The following GTPBP6 variants were observed in gnomAD, a reference collection of about 807,000 sequenced individuals.
GTPBP6 encodes putative GTP-binding protein 6.
A neutral mutation model predicts 28.9 loss-of-function variants in GTPBP6; 33 were observed. The observed-to-expected ratio is 1.14, with a 90% CI of 0.87 to 1.53. The LOEUF is 1.53. GTPBP6 is among the 40% of genes most tolerant of loss of function. The pLI is 0.00. For synonymous variants in GTPBP6, 231 were observed against 192.7 expected (o/e 1.20, Z -1.65); for missense variants, 507 against 408.3 (o/e 1.24, Z -2.08).
At chrX:311,355 G>C (rs1399085101) in intron 7 of GTPBP6, 64 bp downstream of exon 7, 8 of 1,233,188 alleles carry the variant, frequency 6.5e-6, no homozygotes, top group Non-Finnish European at 4.6e-6. Flanking sequence ...GTGTGTGTCT[G>C]AGTGCCCAGC....
chrX:318,198 C>A (rs1306115625), intron 1 of GTPBP6, among the ~76,000 whole-genome samples: 1 of 150,554 alleles, frequency 6.6e-6, no homozygotes, highest in African/African-American at 2.5e-5. Flanking sequence ...GCATCGCCAG[C>A]TATGATTCTC....
rs28630611 is a variant in GTPBP6, at chrX:307,652, G to A, written c.1274+80C>T. ...TGACTGCCACCGCTGCGGTTCACACGAGGAGACGGGGCATCTCCCCACCCG... is the reference window on the plus strand; with the variant it reads ...TGACTGCCACCGCTGCGGTTCACACAAGGAGACGGGGCATCTCCCCACCCG... On this transcript the variant is annotated intron_variant, in intron 8 of 9. Coordinates refer to ENST00000326153, the Ensembl canonical transcript of GTPBP6. 0.017 allele frequency: 23,606 copies of A among 1,426,564 alleles called. 1,486 individuals are homozygous for A. In the African/African-American group the frequency reaches 0.19, roughly 11 times the overall value. 88.4% of individuals were successfully genotyped at this position (1,426,564 alleles called of 1,614,324 possible).
intron 7 of GTPBP6, among the ~76,000 whole-genome samples, chrX:310,150 C>T (rs78423314): frequency 0.095 from 7,849 of 82,568 alleles, 1 homozygote; most frequent in South Asian, 0.24. Flanking sequence ...TCATCTGGAA[C>T]CTGTGAATGG....
intron 4 of GTPBP6, among the ~76,000 whole-genome samples, chrX:314,627 C>T (rs1432113222): frequency 2.0e-5 from 3 of 152,104 alleles, no homozygotes; most frequent in Non-Finnish European, 4.4e-5. Flanking sequence ...CGCCCGCCAC[C>T]ACGCCCGGCT....
chrX:312,899 C>T (rs1175721356), exon 6 of GTPBP6: 15 of 1,612,390 alleles, frequency 9.3e-6, no homozygotes, highest in Non-Finnish European at 1.2e-5. Context: ...TCAGGAGACG[C>T]TGCTGCAGCT....
intron 8 of GTPBP6, 95 bp from the exon 9 acceptor site, chrX:307,607 TG>T: frequency 1.4e-6 from 2 of 1,461,900 alleles, no homozygotes; most frequent in Non-Finnish European, 1.9e-6. Flanking sequence ...GGGCACAGTC[TG>T]GGGCCACTCC....
chrX:309,737 G>T (rs2070246261), intron 7 of GTPBP6, among the ~76,000 whole-genome samples: 1 of 142,464 alleles, frequency 7.0e-6, no homozygotes, highest in Non-Finnish European at 1.5e-5. Context: ...CCTCCAGAAG[G>T]AACTGGATCC....
At chrX:305,321 TTTG>T (rs1196507010) in intron 9 of GTPBP6, 124 bp from the exon 10 acceptor site, 17 of 773,262 alleles carry the variant, frequency 2.2e-5, no homozygotes, top group African/African-American at 8.2e-5. Flanking sequence ...CCTGTTTCCT[TTTG>T]TTTTTTTTTT....
chrX:312,585 C>G lies in GTPBP6; in HGVS notation c.916+181G>C, dbSNP rs762799997. ...ACAGGAAACCCGTCTCCTGGGTGAG[C>G]TCTCACAGCAGCTGGTGTACCCCAC... On this transcript the variant is annotated intron_variant, in intron 6 of 9. Coordinates refer to ENST00000326153, the Ensembl canonical transcript of GTPBP6. 30 of 726,076 alleles carry G rather than the reference C, an allele frequency of 4.1e-5. 1 individual carries two copies. In the East Asian group the frequency reaches 7.5e-4, roughly 18 times the overall value. 45.0% of individuals were successfully genotyped at this position (726,076 alleles called of 1,614,324 possible).
At chrX:315,047 G>A (rs2070403872) in intron 3 of GTPBP6, 27 bp from the exon 4 acceptor site, 1 of 398,628 alleles carries the variant, frequency 2.5e-6, no homozygotes, top group Non-Finnish European at 4.4e-6. Flanking sequence ...CAACTGAGAA[G>A]CCACGGGGGA....
Position 307,912 on chromosome X carries a change from G to A in GTPBP6, c.1126-32C>T, listed in dbSNP as rs745566234. ...GCCGGGCCGTGGGGTCAGAGCTGCG[G>A]AGCCTCTGGTCCCTGACCCCAAGCT... On this transcript the variant is annotated intron_variant, in intron 7 of 9. Transcript: ENST00000326153. 2.7e-6 allele frequency: 4 copies of A among 1,473,964 alleles called. No homozygotes were observed. The Admixed American group carries it at 7.7e-5, about 28-fold the overall frequency. 91.3% of individuals were successfully genotyped at this position (1,473,964 alleles called of 1,614,324 possible). A position where few individuals can be genotyped will look rare whatever the true frequency, so the allele number is the denominator to read the frequency against.
exon 1 of GTPBP6, chrX:318,491 A>G (rs2070481878): frequency 5.0e-6 from 2 of 398,370 alleles, no homozygotes; most frequent in East Asian, 3.6e-5. Flanking sequence ...GGTGAACCAG[A>G]CACACGCGCT....
chrX:305,864 T>G (rs2070151499), intron 9 of GTPBP6, among the ~76,000 whole-genome samples: 1 of 152,164 alleles, frequency 6.6e-6, no homozygotes, highest in Non-Finnish European at 1.5e-5. Flanking sequence ...GACCTTGTGG[T>G]CCGCCCACCT....
intron 7 of GTPBP6, among the ~76,000 whole-genome samples, chrX:308,766 GCT>G (rs1419690734): frequency 1.5e-5 from 2 of 130,182 alleles, no homozygotes; most frequent in East Asian, 4.5e-4. Context: ...GACGAGTCTC[GCT>G]CTGTCACACA....
At chrX:308,015 C>T in intron 7 of GTPBP6, 135 bp from the exon 8 acceptor site, 1 of 731,360 alleles carries the variant, frequency 1.4e-6, no homozygotes, top group Non-Finnish European at 2.0e-6. Context: ...TGTGTGCAGG[C>T]CCCTCGGACA....
chrX:306,763 T>C (rs1317191841), intron 9 of GTPBP6, among the ~76,000 whole-genome samples: 1 of 151,044 alleles, frequency 6.6e-6, no homozygotes, highest in Non-Finnish European at 1.5e-5. Flanking sequence ...AGGCACCTGT[T>C]GTATGGTCAG....
At chrX:315,526 G>T (rs1437840737) in intron 2 of GTPBP6, among the ~76,000 whole-genome samples, 10 of 137,738 alleles carry the variant, frequency 7.3e-5, no homozygotes, top group Admixed American at 2.2e-4. Flanking sequence ...ACACATCCCG[G>T]CAGGGACACA....
intron 7 of GTPBP6, among the ~76,000 whole-genome samples, chrX:309,650 G>C (rs1461970031): frequency 6.6e-6 from 1 of 152,064 alleles, no homozygotes; most frequent in Non-Finnish European, 1.5e-5. Flanking sequence ...GCAGAGACTG[G>C]AGTGGTGCGG....
chrX:306,968 A>G (rs370297099), intron 9 of GTPBP6, among the ~76,000 whole-genome samples: 5 of 146,920 alleles, frequency 3.4e-5, no homozygotes, highest in East Asian at 4.1e-4. Flanking sequence ...CAGATTAGGC[A>G]CCTGTTGTAT....
Sources: allele counts gnomAD v4.1 joint callset (sites outside exome capture counted in the v4.1 genomes callset), GRCh38; gene constraint gnomAD v4.1.1; transcripts MANE v1.5; gene names NCBI Gene and HGNC (gene_info 2026-07-23, HGNC 2026-07-21).